POLR2B: variants seen among roughly 807,000 people sequenced by gnomAD.
The protein encoded by POLR2B is RNA polymerase II subunit B, also known as DNA-directed RNA polymerase II subunit RPB2.
POLR2B carries 57 observed loss-of-function variants against 144.6 expected under a neutral mutation model. The observed-to-expected ratio is 0.39, with a 90% CI of 0.32 to 0.49. The LOEUF (loss-of-function observed/expected upper bound fraction) is 0.49. Among genes scored for constraint, POLR2B ranks in the 20% least tolerant of loss-of-function variants. The probability of loss-of-function intolerance (pLI) is 0.83; values close to 1 mark genes in which losing one functional copy is unlikely to be tolerated. For missense variants in POLR2B, 595 were observed against 1,467.4 expected (o/e 0.41, Z 9.71); for synonymous variants, 442 against 469.8 (o/e 0.94, Z 0.77).
chr4:56,998,932 G>T (rs752895181), intron 6 of POLR2B, among the ~76,000 whole-genome samples: 1 of 152,140 alleles, frequency 6.6e-6, no homozygotes, highest in Admixed American at 6.5e-5. Context: ...AGTAATGTAG[G>T]GTTATGAGGC....
intron 3 of POLR2B, among the ~76,000 whole-genome samples, chr4:56,992,082 G>A (rs1358982663): frequency 3.3e-5 from 5 of 151,234 alleles, no homozygotes; most frequent in Admixed American, 3.3e-4. Flanking sequence ...CTAGTTATCA[G>A]AGCTTAGTAG....
chr4:57,005,486 T>A, intron 8 of POLR2B, 44 bp downstream of exon 8: 2 of 1,500,398 alleles, frequency 1.3e-6, no homozygotes, highest in Non-Finnish European at 9.0e-7. Flanking sequence ...CAAGATACAG[T>A]TGAGATAAAG....
At chr4:57,028,474 G>T (rs993593242) in intron 23 of POLR2B, among the ~76,000 whole-genome samples, 4 of 152,114 alleles carry the variant, frequency 2.6e-5, no homozygotes, top group African/African-American at 9.7e-5. Context: ...ATATGAAAGA[G>T]ATGTATACTC....
At chr4:57,028,635 C>A (rs1723799684) in intron 23 of POLR2B, among the ~76,000 whole-genome samples, 1 of 152,154 alleles carries the variant, frequency 6.6e-6, no homozygotes, top group South Asian at 2.1e-4. Context: ...AAGGTGTCAG[C>A]AGTTTTATTC....
intron 18 of POLR2B, among the ~76,000 whole-genome samples, chr4:57,022,931 G>T (rs1315071039): frequency 6.6e-6 from 1 of 152,132 alleles, no homozygotes; most frequent in Non-Finnish European, 1.5e-5. Context: ...CAATTTCTGT[G>T]GGAGGATGTG....
rs1454622856 is a variant in POLR2B at position 56,993,143 on chromosome 4, A to G, written c.244-1261A>G. 5.3e-5 allele frequency among the ~76,000 whole-genome samples: 8 copies of G among 151,756 alleles called. No homozygotes were observed. In the East Asian group the frequency reaches 1.6e-3, roughly 30 times the overall value. On this transcript the variant is annotated intron_variant, in intron 3 of 24. Coordinates refer to ENST00000314595, the MANE Select transcript of POLR2B (RefSeq NM_000938.3). ...GCTTGGTGAAGCCCCATCTCTACCA[A>G]AAAATACAAAAATTAGCCGGGCCTG...
At chr4:57,030,071 G>C (rs1723864300) in intron 23 of POLR2B, 133 bp from the exon 24 acceptor site, 1 of 728,292 alleles carries the variant, frequency 1.4e-6, no homozygotes, top group South Asian at 1.8e-5. Flanking sequence ...CACCAATAGA[G>C]AGAATGCTAG....
intron 13 of POLR2B, among the ~76,000 whole-genome samples, chr4:57,011,666 T>C (rs1282254501): frequency 1.3e-5 from 2 of 151,888 alleles, no homozygotes; most frequent in African/African-American, 4.8e-5. Flanking sequence ...CTACTAAAAA[T>C]ACAAAAATTA....
intron 10 of POLR2B, among the ~76,000 whole-genome samples, chr4:57,008,136 A>G (rs951827941): frequency 1.3e-4 from 19 of 151,978 alleles, no homozygotes; most frequent in Admixed American, 4.6e-4. Flanking sequence ...AGATTCATTC[A>G]TGTGTAGCTC....
At position 56,999,737 on chromosome 4, in the gene POLR2B, G is replaced by T. The variant is rs757436894; in HGVS notation, c.856G>T (p.Glu286Ter). The change falls in exon 7 of 25, where the codon GAA becomes TAA. Residue 286 changes from glutamate to a stop codon, truncating the protein, a stop_gained. Coordinates refer to ENST00000314595, the MANE Select transcript of POLR2B (RefSeq NM_000938.3). LOFTEE classifies it high-confidence loss of function. The part of the protein sequence containing the change: ...LGFVSDRDIL[E>*]HIIYDFEDPE... Reference sequence around the variant, plus strand: ...TTTTGTGTCCGACAGAGATATTTTAGAACATATTATTTATGATTTTGAAGA... The same window carrying T: ...TTTTGTGTCCGACAGAGATATTTTATAACATATTATTTATGATTTTGAAGA... 2 of 1,610,956 alleles carry T rather than the reference G, an allele frequency of 1.2e-6. No homozygotes were observed. The highest frequency in any genetic ancestry group is 1.7e-5 in the Admixed American group (1 of 59,884).
chr4:56,979,650 G>A (rs1478201481), intron 1 of POLR2B, among the ~76,000 whole-genome samples: 1 of 152,116 alleles, frequency 6.6e-6, no homozygotes, highest in Non-Finnish European at 1.5e-5. Flanking sequence ...GGCCGAGCGC[G>A]GTGGCTCCCG....
chr4:57,013,943 T>C (rs1170309493), intron 13 of POLR2B, among the ~76,000 whole-genome samples: 3 of 144,774 alleles, frequency 2.1e-5, no homozygotes, highest in African/African-American at 7.9e-5. Flanking sequence ...AAGACCATGT[T>C]TATATTAAAA....
At chr4:56,993,678 A>G (rs1368984053) in intron 3 of POLR2B, among the ~76,000 whole-genome samples, 1 of 152,202 alleles carries the variant, frequency 6.6e-6, no homozygotes, top group East Asian at 1.9e-4. Context: ...GAACTAAGCT[A>G]TATTCCAGCC....
chr4:56,982,157 C>T (rs758597902), intron 1 of POLR2B, among the ~76,000 whole-genome samples: 4 of 152,004 alleles, frequency 2.6e-5, no homozygotes, highest in Non-Finnish European at 5.9e-5. Context: ...TGCCACTAGC[C>T]AACTAGGATA....
rs917284418 is a variant in POLR2B, at chr4:57,023,812, C to T, written c.2856+61C>T. ...TTTTGTTAAATATTTTTTTTTTAAT[C>T]AAAATTTGCTTTAACTTAAGAGCTC... is the stretch of plus-strand genomic sequence containing the variant. On this transcript the variant is annotated intron_variant, in intron 20 of 24. Transcript: ENST00000314595. The surrounding 1 kb of genome is among the most constrained non-coding windows in gnomAD (Gnocchi z 4.3). 1.7e-4 allele frequency: 199 copies of T among 1,201,022 alleles called. 1 individual carries two copies. Among genetic ancestry groups the T allele is most frequent in the Non-Finnish European group, 4.0e-5 (34 of 843,050 alleles). The allele number at this position is 1,201,022 out of a possible 1,614,324, so 74.4% of individuals were successfully genotyped here.
intron 6 of POLR2B, among the ~76,000 whole-genome samples, chr4:56,996,205 C>CAT (rs1553909979): frequency 7.3e-5 from 3 of 41,156 alleles, no homozygotes; most frequent in African/African-American, 9.7e-5. Context: ...TATTTCAGTT[C>CAT]ATGTGTGTGT....
chr4:57,020,166 T>TG (rs926786113), intron 16 of POLR2B, among the ~76,000 whole-genome samples: 8 of 152,182 alleles, frequency 5.3e-5, no homozygotes, highest in African/African-American at 1.9e-4. Flanking sequence ...CCTGAGTAGC[T>TG]GGGACTGCAG....
intron 2 of POLR2B, among the ~76,000 whole-genome samples, chr4:56,990,050 C>T (rs1042141627): frequency 3.3e-5 from 5 of 152,202 alleles, no homozygotes; most frequent in African/African-American, 9.7e-5. Flanking sequence ...AACTAATGAT[C>T]TATAACCTAA....
intron 7 of POLR2B, among the ~76,000 whole-genome samples, chr4:57,000,933 T>C (rs1197171075): frequency 6.6e-6 from 1 of 152,010 alleles, no homozygotes; most frequent in Non-Finnish European, 1.5e-5. Flanking sequence ...TGACCTCAGG[T>C]GATCTGCCCA....
Sources: allele counts gnomAD v4.1 joint callset (sites outside exome capture counted in the v4.1 genomes callset), GRCh38; gene constraint gnomAD v4.1.1; non-coding constraint Gnocchi (gnomAD v3.1); transcripts MANE v1.5; gene names NCBI Gene and HGNC (gene_info 2026-07-23, HGNC 2026-07-21).